The following RELN variants were observed in gnomAD, a reference collection of about 807,000 sequenced individuals.
The protein encoded by RELN is reelin.
Under a neutral mutation model 427.6 loss-of-function variants are expected in RELN, and 108 were observed. That is an observed-to-expected ratio of 0.25 (90% CI 0.22 to 0.30). RELN has a LOEUF of 0.30. Ranked by LOEUF, RELN falls within the 10% of genes least tolerant of loss-of-function variation. The pLI is 1.00. For synonymous variants in RELN, 1,524 were observed against 1,513.4 expected, an observed-to-expected ratio of 1.01 and a Z score of -0.16; for missense variants, 3,715 against 4,302.8, an observed-to-expected ratio of 0.86 and a Z score of 3.82.
chr7:103,649,205 A>G (rs911157820), intron 16 of RELN, among the ~76,000 whole-genome samples: 1 of 152,058 alleles, frequency 6.6e-6, no homozygotes, highest in Admixed American at 6.6e-5. Context: ...TTAATGGATG[A>G]TTAAAGAGTA....
At chr7:103,976,989 A>G (rs1012232168) in intron 1 of RELN, among the ~76,000 whole-genome samples, 3 of 151,890 alleles carry the variant, frequency 2.0e-5, no homozygotes, top group African/African-American at 7.3e-5. Flanking sequence ...AGAGGCTTTG[A>G]TATTCCCTCG....
intron 17 of RELN, among the ~76,000 whole-genome samples, chr7:103,639,464 A>G (rs1832653030): frequency 6.8e-6 from 1 of 147,290 alleles, no homozygotes; most frequent in Non-Finnish European, 1.5e-5. Flanking sequence ...CAGTGACACG[A>G]TCTTGGCTCA....
intron 6 of RELN, among the ~76,000 whole-genome samples, chr7:103,731,977 A>G (rs1790366197): frequency 6.6e-6 from 1 of 152,142 alleles, no homozygotes; most frequent in Admixed American, 6.6e-5. Flanking sequence ...CTTACAGCAC[A>G]TCTCAATTCA....
chr7:103,664,093 G>A (rs1469598265), intron 11 of RELN, among the ~76,000 whole-genome samples: 2 of 152,168 alleles, frequency 1.3e-5, no homozygotes, highest in Non-Finnish European at 2.9e-5. Flanking sequence ...ATGGTTAGGG[G>A]AACACGTATT....
Position 103,989,533 on chromosome 7 carries a change from G to A in RELN, c.-177C>T, listed in dbSNP as rs1584426346. 1.4e-5 allele frequency: 7 copies of A among 507,830 alleles called. 1 individual carries two copies. The East Asian group carries it at 2.3e-4, about 17-fold the overall frequency. The allele number at this position is 507,830 out of a possible 1,614,324, so 31.5% of individuals were successfully genotyped here. On this transcript the variant is annotated 5_prime_UTR_variant, in exon 1 of 65. Transcript: ENST00000428762. This position sits in a 1 kb window ranked among gnomAD's most constrained non-coding sequence, Gnocchi z 4.9. The stretch of plus-strand genomic sequence containing the variant: ...CCCGCCGAGAAGTTCCGCGGGAGAC[G>A]GCGGCTCCCAAAGTTACTTTGGGCC...
chr7:103,921,270 C>T (rs1795611862), intron 1 of RELN, among the ~76,000 whole-genome samples: 2 of 152,124 alleles, frequency 1.3e-5, no homozygotes, highest in South Asian at 4.2e-4. Flanking sequence ...ATATCAGACA[C>T]CAAAGGTTTA....
intron 2 of RELN, among the ~76,000 whole-genome samples, chr7:103,895,420 G>C (rs1302819910): frequency 1.3e-5 from 2 of 152,106 alleles, no homozygotes; most frequent in East Asian, 3.9e-4. Context: ...TTTACCATCT[G>C]TTTGGTTTCT....
intron 4 of RELN, among the ~76,000 whole-genome samples, chr7:103,772,976 C>T (rs997935742): frequency 1.6e-4 from 24 of 152,014 alleles, no homozygotes; most frequent in Admixed American, 4.6e-4. Flanking sequence ...GTAAAGGCAC[C>T]ATGAAAATAG....
In RELN at chr7:103,988,767, G is replaced by A. The variant is rs1305990607; in HGVS notation, c.226+364C>T. Reference sequence around the variant, plus strand: ...CTGGGGGGACCGGGAGCAGGACAAAGGTCTGAAATCCAAGTCCTAGGAGTA... The same window carrying A: ...CTGGGGGGACCGGGAGCAGGACAAAAGTCTGAAATCCAAGTCCTAGGAGTA... On this transcript the variant is annotated intron_variant, in intron 1 of 64. Coordinates refer to ENST00000428762, the MANE Select transcript of RELN (RefSeq NM_005045.4). The surrounding 1 kb of genome is among the most constrained non-coding windows in gnomAD (Gnocchi z 4.9). Among the ~76,000 whole-genome samples the A allele has an allele frequency of 1.3e-5, 2 of 152,130 alleles. No individual in the cohort carries two copies. The highest frequency in any genetic ancestry group is 4.8e-5 in the African/African-American group (2 of 41,442).
In RELN at chr7:103,860,534, A is replaced by G. The variant is rs184402112; in HGVS notation, c.338-26862T>C. 5.3e-5 allele frequency among the ~76,000 whole-genome samples: 8 copies of G among 152,240 alleles called. No homozygotes were observed. In the East Asian group the frequency reaches 1.5e-3, roughly 29 times the overall value. On this transcript the variant is annotated intron_variant, in intron 2 of 64. Coordinates refer to ENST00000428762, the MANE Select transcript of RELN (RefSeq NM_005045.4). ...AGAACTACGTTTATTGATGCTTACT[A>G]TATAACTTGGATTTTAAAAAAATCC...
chr7:103,832,540 C>A (rs39365), intron 3 of RELN, among the ~76,000 whole-genome samples: 58,622 of 151,968 alleles, frequency 0.39, 11,647 homozygotes, highest in Non-Finnish European at 0.42. Flanking sequence ...ATCACGCATT[C>A]GAAGTTTAAA....
intron 49 of RELN, among the ~76,000 whole-genome samples, chr7:103,515,875 T>G (rs551410591): frequency 6.6e-6 from 1 of 152,304 alleles, no homozygotes; most frequent in Admixed American, 6.5e-5. Context: ...TGCTGGCAAG[T>G]GACTTGGGGT....
chr7:103,700,885 G>GA lies in RELN; in HGVS notation c.902+24dup, dbSNP rs1562962618. ...GAACTCCATCTATGTCAGAATTTAT[G>GA]AAAATACTTTAAATTACAACAAACC... On this transcript the variant is annotated intron_variant, in intron 9 of 64. Coordinates refer to ENST00000428762, the MANE Select transcript of RELN (RefSeq NM_005045.4). 4 of 1,407,846 alleles carry GA rather than the reference G, an allele frequency of 2.8e-6. No homozygotes were observed. In the Admixed American group the frequency reaches 5.0e-5, roughly 18 times the overall value. 87.2% of individuals were successfully genotyped at this position (1,407,846 alleles called of 1,614,324 possible). A position where few individuals can be genotyped will look rare whatever the true frequency, so the allele number is the denominator to read the frequency against.
chr7:103,932,642 A>C (rs1413669304), intron 1 of RELN, among the ~76,000 whole-genome samples: 1 of 152,190 alleles, frequency 6.6e-6, no homozygotes, highest in African/African-American at 2.4e-5. Context: ...TTGGCTTTGG[A>C]GTCAGAATGG....
intron 17 of RELN, among the ~76,000 whole-genome samples, chr7:103,638,583 A>G (rs1048365801): frequency 6.6e-6 from 1 of 152,220 alleles, no homozygotes; most frequent in Admixed American, 6.5e-5. Flanking sequence ...CTCAAATTCA[A>G]TAAGGTACAC....
intron 2 of RELN, among the ~76,000 whole-genome samples, chr7:103,849,805 A>G (rs1231710163): frequency 6.6e-6 from 1 of 152,156 alleles, no homozygotes; most frequent in Non-Finnish European, 1.5e-5. Context: ...GAGACCTACC[A>G]CATATATCCT....
chr7:103,646,299 C>CA (rs1013731162), intron 16 of RELN, among the ~76,000 whole-genome samples: 5 of 150,664 alleles, frequency 3.3e-5, no homozygotes, highest in African/African-American at 7.3e-5. Flanking sequence ...AAATAGAGAT[C>CA]AAAAAAAATT....
At chr7:103,826,830 T>G (rs1339711952) in intron 3 of RELN, among the ~76,000 whole-genome samples, 2 of 152,090 alleles carry the variant, frequency 1.3e-5, no homozygotes, top group African/African-American at 4.8e-5. Context: ...CTATGTGGTT[T>G]CAAGTAAGAA....
chr7:103,611,604 G>C lies in RELN; in HGVS notation c.2895+7C>G. On this transcript the variant is annotated splice_region_variant and intron_variant, in intron 21 of 64. Coordinates refer to ENST00000428762, the MANE Select transcript of RELN (RefSeq NM_005045.4). ...CCTGTTACAAGGTTTAAGGAAACTA[G>C]ACTTACTTCTTGGACGAGGTGCCAG... is the stretch of plus-strand genomic sequence containing the variant. 6.2e-7 allele frequency: 1 copy of C among 1,610,948 alleles called. No individual in the cohort carries two copies. Among genetic ancestry groups the C allele is most frequent in the African/African-American group, 1.3e-5 (1 of 74,360 alleles).
Sources: gnomAD v4.1 joint callset for allele counts (sites outside exome capture counted in the v4.1 genomes callset) on GRCh38, gnomAD v4.1.1 for gene constraint, Gnocchi (gnomAD v3.1) non-coding constraint, MANE v1.5 for transcripts, NCBI Gene and HGNC (gene_info 2026-07-23, HGNC 2026-07-21) for gene names.